Variants in ACOX1 observed in about 807,000 individuals in gnomAD.
The protein encoded by ACOX1 is acyl-CoA oxidase 1.
Under a neutral mutation model 75.5 loss-of-function variants are expected in ACOX1, and 41 were observed. That is an observed-to-expected ratio of 0.54 (90% CI 0.42 to 0.70). The LOEUF (loss-of-function observed/expected upper bound fraction) is 0.70, where lower values mean the gene tolerates loss of function less well. Ranked by LOEUF, ACOX1 falls within the 30% of genes least tolerant of loss-of-function variation. The pLI, the probability that ACOX1 is intolerant of heterozygous loss-of-function variation, is 0.00. For missense variants in ACOX1, 630 were observed against 837.5 expected, an observed-to-expected ratio of 0.75 and a Z score of 3.06; for synonymous variants, 303 against 298.8, an observed-to-expected ratio of 1.01 and a Z score of -0.15.
chr17:75,957,465 C>G lies in ACOX1; in HGVS notation c.532G>C (p.Gly178Arg). The G allele has an allele frequency of 6.2e-7, 1 of 1,613,372 alleles. No homozygotes were observed. Among genetic ancestry groups the G allele is most frequent in the South Asian group, 1.1e-5 (1 of 91,056 alleles). ...TGCTGAAAAATTCACTTACGCCCACCAGGCCACCATTTAATGGAGGTCACA... is the reference window on the plus strand; with the variant it reads ...TGCTGAAAAATTCACTTACGCCCACGAGGCCACCATTTAATGGAGGTCACA... Reference protein sequence around the residue: ...PTVTSIKWWPGGLGKTSNHAI... With the variant: ...PTVTSIKWWPRGLGKTSNHAI... The change falls in exon 4 of 14, where the codon GGT (glycine) becomes CGT (arginine). Residue 178 changes from glycine to arginine, a missense_variant. Around this residue, in one of 2 missense-constraint regions of ACOX1, gnomAD observed 390 missense variants for 574.9 expected, o/e 0.68. Coordinates refer to ENST00000293217, the MANE Select transcript of ACOX1 (RefSeq NM_004035.7).
intron 13 of ACOX1, among the ~76,000 whole-genome samples, chr17:75,947,269 C>T (rs2168855): frequency 0.22 from 29,212 of 133,168 alleles, 3,018 homozygotes; most frequent in Non-Finnish European, 0.24. Flanking sequence ...TTTTTTGAAA[C>T]GGAGCCTCGC....
At chr17:75,957,683 C>A in intron 3 of ACOX1, 117 bp from the exon 4 acceptor site, 7 of 714,760 alleles carry the variant, frequency 9.8e-6, no homozygotes, top group Admixed American at 4.7e-5. Context: ...CAAAATCTAA[C>A]AAAAAACACC....
intron 2 of ACOX1, among the ~76,000 whole-genome samples, chr17:75,974,227 G>A (rs1261864966): frequency 6.6e-6 from 1 of 151,566 alleles, no homozygotes; most frequent in Non-Finnish European, 1.5e-5. Flanking sequence ...TATTTATAGC[G>A]CTGTTAACAA....
chr17:75,963,383 T>C (rs539613950), intron 2 of ACOX1, among the ~76,000 whole-genome samples: 1 of 151,886 alleles, frequency 6.6e-6, no homozygotes, highest in African/African-American at 2.4e-5. Context: ...GGGAAATTAC[T>C]GCACAAGCAT....
intron 12 of ACOX1, 68 bp downstream of exon 12, chr17:75,949,149 C>A: frequency 6.3e-7 from 1 of 1,587,988 alleles, no homozygotes; most frequent in East Asian, 2.2e-5. Context: ...CATGAGCCAC[C>A]GTGCCCAGCC....
In ACOX1 at chr17:75,955,632, G is replaced by A. The variant is rs754246484; in HGVS notation, c.708C>T (p.Asp236=). Residue 236 remains aspartate, a synonymous_variant, in exon 6 of 14, where the codon GAC becomes GAT. Transcript: ENST00000293217. ...GGTTGTCCATTTTGAGGTAGCCATT[G>A]TCTATCTCATCATAACCAAATTTGG... ...IGPKFGYDEI[D]NGYLKMDNHR... The A allele has an allele frequency of 3.7e-6, 6 of 1,614,058 alleles. No individual in the cohort carries two copies. Among genetic ancestry groups the A allele is most frequent in the Non-Finnish European group, 4.2e-6 (5 of 1,180,040 alleles).
In ACOX1 at chr17:75,954,534, A is replaced by AAGG. The variant is rs1555617027; in HGVS notation, c.775-915_775-914insCCT. Among the ~76,000 whole-genome samples the AAGG allele has an allele frequency of 4.8e-3, 685 of 142,638 alleles. 6 individuals are homozygous for AAGG. The highest frequency in any genetic ancestry group is 0.017 in the African/African-American group (642 of 36,758). The allele number at this position is 142,638 out of a possible 152,430, so 93.6% of individuals were successfully genotyped here. ...ACTCTCTCTCTCAAAAAAAAAAAAA[A>AAGG]GGGGCATCAGAAGGAAAAATGCATT... On this transcript the variant is annotated intron_variant, in intron 6 of 13. Transcript: ENST00000293217.
intron 2 of ACOX1, among the ~76,000 whole-genome samples, chr17:75,965,604 G>T (rs967725492): frequency 6.6e-6 from 1 of 151,432 alleles, no homozygotes; most frequent in African/African-American, 2.4e-5. Context: ...ACAACAGTAG[G>T]CTTATCCTAT....
chr17:75,959,326 G>A (rs1195536564), intron 3 of ACOX1, among the ~76,000 whole-genome samples: 1 of 152,170 alleles, frequency 6.6e-6, no homozygotes, highest in African/African-American at 2.4e-5. Flanking sequence ...GAACAGATAA[G>A]GACAAAATGT....
At chr17:75,972,563 T>C (rs569246862) in intron 2 of ACOX1, among the ~76,000 whole-genome samples, 16 of 150,520 alleles carry the variant, frequency 1.1e-4, no homozygotes, top group African/African-American at 3.7e-4. Flanking sequence ...GGAGAGTCAC[T>C]TGAACCCAGA....
At chr17:75,955,712 G>A (rs762832350) in intron 5 of ACOX1, 31 bp from the exon 6 acceptor site, 1 of 1,611,528 alleles carries the variant, frequency 6.2e-7, no homozygotes, top group South Asian at 1.1e-5. Flanking sequence ...GTCACGAGAT[G>A]TTTATGCTCT....
At chr17:75,957,285 T>C in intron 4 of ACOX1, 174 bp downstream of exon 4, 1 of 645,922 alleles carries the variant, frequency 1.5e-6, no homozygotes, top group South Asian at 1.6e-5. Context: ...TTCAGCATAT[T>C]AACCAGGCTG....
In ACOX1 at chr17:75,946,563, T is replaced by C. The variant is rs1405419848; in HGVS notation, c.*185A>G. 20 of 614,830 alleles carry C rather than the reference T, an allele frequency of 3.3e-5. No homozygotes were observed. Among genetic ancestry groups the C allele is most frequent in the Non-Finnish European group, 5.0e-5 (17 of 340,364 alleles). 38.1% of individuals were successfully genotyped at this position (614,830 alleles called of 1,614,324 possible). On this transcript the variant is annotated 3_prime_UTR_variant, in exon 14 of 14. Coordinates refer to ENST00000293217, the MANE Select transcript of ACOX1 (RefSeq NM_004035.7). ...TTTAACAGGTCTCTTTCAGTGTTAA[T>C]TGCACTTAAAACATCTGCTTTTTTT...
At chr17:75,967,603 TATATATATATACATAC>T (rs1430383030) in intron 2 of ACOX1, among the ~76,000 whole-genome samples, 5 of 143,032 alleles carry the variant, frequency 3.5e-5, no homozygotes, top group Admixed American at 7.1e-5. Flanking sequence ...AATCGAAATA[TATATATATATACATAC>T]ATATATATAT....
Position 75,949,198 on chromosome 17 carries a change from A to G in ACOX1, c.1728+19T>C, listed in dbSNP as rs1567872835. On this transcript the variant is annotated intron_variant, in intron 12 of 13. Coordinates refer to ENST00000293217, the MANE Select transcript of ACOX1 (RefSeq NM_004035.7). The stretch of plus-strand genomic sequence containing the variant: ...CTTAAAACAACAACAAAAAAGACTT[A>G]TACTTAGAAAATACTGACCTGAAGG... 1.2e-6 allele frequency: 2 copies of G among 1,614,032 alleles called. No homozygotes were observed. The highest frequency in any genetic ancestry group is 1.3e-5 in the African/African-American group (1 of 75,044).
Position 75,978,710 on chromosome 17 carries a change from G to C in ACOX1, c.110-17C>G. ...TCATGTTCTCTGAAAGGGGGTTAAA[G>C]GGCATTAAAAGGCAGACAGACACTC... On this transcript the variant is annotated splice_polypyrimidine_tract_variant and intron_variant, in intron 1 of 13. Coordinates refer to ENST00000293217, the MANE Select transcript of ACOX1 (RefSeq NM_004035.7). This position sits in a 1 kb window ranked among gnomAD's most constrained non-coding sequence, Gnocchi z 4.2. The C allele has an allele frequency of 6.2e-7, 1 of 1,613,046 alleles. No homozygotes were observed. The highest frequency in any genetic ancestry group is 8.5e-7 in the Non-Finnish European group (1 of 1,180,032).
In ACOX1 at chr17:75,955,935, G is replaced by C. The variant is rs780887410; in HGVS notation, c.551C>G (p.Ser184Ter). The change falls in exon 5 of 14, where the codon TCA becomes TGA. Residue 184 changes from serine to a stop codon, truncating the protein, a stop_gained. Coordinates refer to ENST00000293217, the MANE Select transcript of ACOX1 (RefSeq NM_004035.7). LOFTEE classifies it high-confidence loss of function. ...CTGGGCAAGAACTATTGCATGATTT[G>C]AAGTCTTTCCAACTGTAATATCAAA... ...KWWPGGLGKT[S>*]NHAIVLAQLI... 2 of 1,608,040 alleles carry C rather than the reference G, an allele frequency of 1.2e-6. No individual in the cohort carries two copies. Among genetic ancestry groups the C allele is most frequent in the Non-Finnish European group, 8.5e-7 (1 of 1,176,150 alleles).
chr17:75,959,949 CT>C (rs1488788288), intron 3 of ACOX1, among the ~76,000 whole-genome samples: 2 of 152,186 alleles, frequency 1.3e-5, no homozygotes, highest in Non-Finnish European at 2.9e-5. Flanking sequence ...TGAAAAACCA[CT>C]TGGTAAATAA....
rs1477212977 is a variant in ACOX1 at position 75,941,720 on chromosome 17, A to C, written c.*5028T>G. 2.0e-5 allele frequency: 3 copies of C among 152,176 alleles called. No individual in the cohort carries two copies. In the East Asian group the frequency reaches 5.8e-4, roughly 29 times the overall value. The allele number at this position is 152,176 out of a possible 1,614,324, so 9.4% of individuals were successfully genotyped here. A position where few individuals can be genotyped will look rare whatever the true frequency, so the allele number is the denominator to read the frequency against. On this transcript the variant is annotated 3_prime_UTR_variant, in exon 14 of 14. Transcript: ENST00000293217. ...AGGGCTGGGTAACAACATATGCTCA[A>C]TGCATCTTCTCAGGTGAGAACCAAA...
Sources: gnomAD v4.1 joint callset for allele counts (sites outside exome capture counted in the v4.1 genomes callset) on GRCh38, gnomAD v4.1.1 for gene constraint, gnomAD v4.1.1 regional missense constraint, Gnocchi (gnomAD v3.1) non-coding constraint, MANE v1.5 for transcripts, NCBI Gene and HGNC (gene_info 2026-07-23, HGNC 2026-07-21) for gene names.